TMEM116: variants seen among roughly 807,000 people sequenced by gnomAD.
TMEM116 encodes transmembrane protein 116.
In TMEM116, 38 loss-of-function variants were observed where a neutral mutation model predicts 44.3. The ratio of observed to expected loss-of-function variants is 0.86; its 90% CI spans 0.66 to 1.12. The LOEUF (loss-of-function observed/expected upper bound fraction) is 1.12, where lower values mean the gene tolerates loss of function less well. Among genes scored for constraint, TMEM116 ranks in the 50% most tolerant of loss-of-function variants. The pLI is 0.00. For synonymous variants in TMEM116, 132 were observed against 144.8 expected (o/e 0.91, Z 0.64); for missense variants, 354 against 401.7 (o/e 0.88, Z 1.01).
chr12:111,983,943 A>G (rs1443546528), intron 4 of TMEM116, among the ~76,000 whole-genome samples: 18 of 152,182 alleles, frequency 1.2e-4, no homozygotes, highest in African/African-American at 4.1e-4. Flanking sequence ...TAGCAAACAA[A>G]ATTCAACCGC....
intron 4 of TMEM116, among the ~76,000 whole-genome samples, chr12:111,952,392 G>A (rs945840533): frequency 3.9e-5 from 6 of 152,174 alleles, no homozygotes; most frequent in Non-Finnish European, 7.3e-5. Flanking sequence ...ACTACATGGT[G>A]TGGATAGATA....
intron 4 of TMEM116, among the ~76,000 whole-genome samples, chr12:111,968,892 C>T (rs1369041403): frequency 6.8e-6 from 1 of 146,416 alleles, no homozygotes; most frequent in Admixed American, 7.1e-5. Context: ...ACTCAGGAGA[C>T]TGAGACAGGA....
intron 4 of TMEM116, among the ~76,000 whole-genome samples, chr12:111,972,747 C>T (rs538279096): frequency 2.6e-4 from 39 of 152,202 alleles, no homozygotes; most frequent in Admixed American, 4.6e-4. Context: ...GGTGTGGTGG[C>T]GTGTGCCTAT....
intron 4 of TMEM116, among the ~76,000 whole-genome samples, chr12:111,971,020 A>G (rs956965499): frequency 6.6e-6 from 1 of 152,268 alleles, no homozygotes; most frequent in Non-Finnish European, 1.5e-5. Context: ...CAAAAAGTGC[A>G]GTAACATGTT....
chr12:112,000,705 C>G, intron 3 of TMEM116: 2 of 527,264 alleles, frequency 3.8e-6, no homozygotes, highest in East Asian at 1.1e-4. Context: ...CTGCTAGCAT[C>G]TCTTCTGAGT....
At chr12:111,952,111 C>G (rs1231711827) in intron 4 of TMEM116, among the ~76,000 whole-genome samples, 2 of 152,088 alleles carry the variant, frequency 1.3e-5, no homozygotes, top group Non-Finnish European at 2.9e-5. Flanking sequence ...CGCCTGTAAT[C>G]CCAGCTACTT....
chr12:111,944,683 G>A (rs1477749974), intron 4 of TMEM116, among the ~76,000 whole-genome samples: 1 of 152,112 alleles, frequency 6.6e-6, no homozygotes, highest in South Asian at 2.1e-4. Flanking sequence ...CAAGTCTTTG[G>A]TTAAGTATTA....
chr12:111,986,796 A>AAG (rs1240733414), intron 4 of TMEM116, among the ~76,000 whole-genome samples: 1 of 152,016 alleles, frequency 6.6e-6, no homozygotes, highest in Non-Finnish European at 1.5e-5. Flanking sequence ...GTAACAGAGC[A>AAG]AGACTCTGTC....
chr12:111,996,502 C>T (rs1433515413), intron 3 of TMEM116, among the ~76,000 whole-genome samples: 1 of 151,994 alleles, frequency 6.6e-6, no homozygotes, highest in Non-Finnish European at 1.5e-5. Flanking sequence ...ATTACACACC[C>T]ATGGCAAAAA....
intron 4 of TMEM116, among the ~76,000 whole-genome samples, chr12:111,951,394 T>C (rs1037739902): frequency 2.0e-5 from 3 of 152,200 alleles, no homozygotes; most frequent in African/African-American, 7.2e-5. Flanking sequence ...CTATTCACAA[T>C]AGCAAAGACA....
intron 8 of TMEM116, 182 bp from the exon 9 acceptor site, chr12:111,934,212 CT>C: frequency 1.5e-6 from 1 of 674,104 alleles, no homozygotes; most frequent in Non-Finnish European, 2.4e-6. Context: ...TCAGAGTGAA[CT>C]TTTACTAGGC....
intron 4 of TMEM116, among the ~76,000 whole-genome samples, chr12:111,953,553 A>C (rs2073887538): frequency 6.6e-6 from 1 of 152,196 alleles, no homozygotes; most frequent in African/African-American, 2.4e-5. Context: ...CAAAAATCAC[A>C]ACATTGCACA....
At chr12:111,982,264 C>CAT (rs2075981873) in intron 4 of TMEM116, among the ~76,000 whole-genome samples, 1 of 151,406 alleles carries the variant, frequency 6.6e-6, no homozygotes, top group Non-Finnish European at 1.5e-5. Flanking sequence ...AAAATATATA[C>CAT]ATATATTAAA....
Position 111,931,508 on chromosome 12 carries a change from G to T in TMEM116, c.*113C>A. 1.0e-6 allele frequency: 1 copy of T among 988,488 alleles called. No individual in the cohort carries two copies. The highest frequency in any genetic ancestry group is 1.5e-6 in the Non-Finnish European group (1 of 655,042). The allele number at this position is 988,488 out of a possible 1,614,324, so 61.2% of individuals were successfully genotyped here. A position where few individuals can be genotyped will look rare whatever the true frequency, so the allele number is the denominator to read the frequency against. ...AACAATGGCACTATATTTCCTTTGA[G>T]TTCTGCAGTTTAGGGCATAGTTAGA... is the stretch of plus-strand genomic sequence containing the variant. On this transcript the variant is annotated 3_prime_UTR_variant, in exon 11 of 11. Transcript: ENST00000552374.
chr12:111,994,169 T>C (rs1161493112), intron 3 of TMEM116, among the ~76,000 whole-genome samples: 1 of 152,206 alleles, frequency 6.6e-6, no homozygotes, highest in Non-Finnish European at 1.5e-5. Flanking sequence ...ATTCCTGATA[T>C]AATTACTAGA....
intron 3 of TMEM116, among the ~76,000 whole-genome samples, chr12:111,994,874 C>T (rs1400440335): frequency 6.6e-6 from 1 of 152,104 alleles, no homozygotes; most frequent in African/African-American, 2.4e-5. Flanking sequence ...AAGATAAGGG[C>T]GTTTATAACC....
chr12:111,935,285 T>A (rs12314527), intron 8 of TMEM116: 1 of 151,920 alleles, frequency 6.6e-6, no homozygotes, highest in African/African-American at 2.4e-5. Context: ...TTAGTAGAGA[T>A]AGGGTTTCAC....
At chr12:111,965,309 G>T (rs1320574848) in intron 4 of TMEM116, among the ~76,000 whole-genome samples, 1 of 152,120 alleles carries the variant, frequency 6.6e-6, no homozygotes, top group Admixed American at 6.5e-5. Context: ...CTTTTCAGTT[G>T]TATATCCCTC....
At chr12:111,935,680 C>A in intron 8 of TMEM116, 1 of 142,670 alleles carries the variant, frequency 7.0e-6, no homozygotes, top group Non-Finnish European at 1.5e-5. Flanking sequence ...AGAGTATCCT[C>A]TGTTGCCCAG....
Sources: allele counts gnomAD v4.1 joint callset (sites outside exome capture counted in the v4.1 genomes callset), GRCh38; gene constraint gnomAD v4.1.1; transcripts MANE v1.5; gene names NCBI Gene and HGNC (gene_info 2026-07-23, HGNC 2026-07-21).